The following PTPRZ1 variants were observed in gnomAD, a reference collection of about 807,000 sequenced individuals.
The protein encoded by PTPRZ1 is protein tyrosine phosphatase receptor type Z1.
A neutral mutation model predicts 214.1 loss-of-function variants in PTPRZ1; 82 were observed. The ratio of observed to expected loss-of-function variants is 0.38; its 90% CI spans 0.32 to 0.46. PTPRZ1 has a LOEUF of 0.46. PTPRZ1 is among the 20% of genes least tolerant of loss of function. PTPRZ1 has a pLI of 1.00. For synonymous variants in PTPRZ1, 945 were observed against 987.9 expected, an observed-to-expected ratio of 0.96 and a Z score of 0.81; for missense variants, 2,603 against 2,748.7, an observed-to-expected ratio of 0.95 and a Z score of 1.19.
chr7:121,972,503 T>A, intron 3 of PTPRZ1, 38 bp from the exon 4 acceptor site: 1 of 1,526,746 alleles, frequency 6.5e-7, no homozygotes, highest in Non-Finnish European at 8.8e-7. Context: ...AAATTTTGAT[T>A]TTCAGAAGCT....
chr7:121,898,974 T>G (rs1284331783), intron 1 of PTPRZ1, among the ~76,000 whole-genome samples: 1 of 152,194 alleles, frequency 6.6e-6, no homozygotes, highest in Non-Finnish European at 1.5e-5. Flanking sequence ...GTGTAAACTT[T>G]TATTTATTCA....
intron 26 of PTPRZ1, 131 bp from the exon 27 acceptor site, chr7:122,054,810 G>T (rs779815052): frequency 4.7e-4 from 412 of 872,512 alleles, no homozygotes; most frequent in Non-Finnish European, 6.3e-4. Flanking sequence ...AAGATGTTAA[G>T]AGTAAATATT....
Position 122,036,521 on chromosome 7 carries a change from ATTATTATGCAAATATGAATTATCT to A in PTPRZ1, c.5285-76_5285-53del. 3.1e-6 allele frequency: 3 copies of A among 968,154 alleles called. No individual in the cohort carries two copies. In the East Asian group the frequency reaches 7.9e-5, roughly 25 times the overall value. The allele number at this position is 968,154 out of a possible 1,614,324, so 60.0% of individuals were successfully genotyped here. On this transcript the variant is annotated intron_variant, in intron 17 of 29. Transcript: ENST00000393386. Reference sequence around the variant, plus strand: ...TGTTGATTTTAATTGAATGAAATAAATTATTATGCAAATATGAATTATCTTTGTGCTGAAAAGTAGTCTGTGCTA... The same window carrying A: ...TGTTGATTTTAATTGAATGAAATAAATTGTGCTGAAAAGTAGTCTGTGCTA...
chr7:122,018,198 T>C (rs1798903633), intron 12 of PTPRZ1, among the ~76,000 whole-genome samples: 1 of 152,172 alleles, frequency 6.6e-6, no homozygotes. Context: ...CATGCTGTAA[T>C]GTTAGAAACC....
At chr7:121,946,167 G>A (rs192950887) in intron 2 of PTPRZ1, among the ~76,000 whole-genome samples, 70 of 152,310 alleles carry the variant, frequency 4.6e-4, no homozygotes, top group African/African-American at 1.6e-3. Flanking sequence ...CTTTCAACCA[G>A]AGAAATGGGA....
At chr7:121,905,677 A>ACACACACACACACACAC (rs368191821) in intron 1 of PTPRZ1, among the ~76,000 whole-genome samples, 30 of 151,874 alleles carry the variant, frequency 2.0e-4, no homozygotes, top group Non-Finnish European at 2.6e-4. Context: ...ACACACACAC[A>ACACACACACACACACAC]AATGGTGGGC....
intron 15 of PTPRZ1, chr7:122,032,154 A>C (rs1045005860): frequency 6.6e-6 from 1 of 152,170 alleles, no homozygotes; most frequent in African/African-American, 2.4e-5. Flanking sequence ...TGGCCCACTG[A>C]ACTATCAGCT....
rs1049007589 is a variant in PTPRZ1 at position 122,013,438 on chromosome 7, C to G, written c.4392C>G (p.Asn1464Lys). Residue 1464 changes from asparagine (N) to lysine (K), a missense_variant, in exon 12 of 30, where the codon AAC becomes AAG. Asn to Lys is a moderately conservative substitution (Grantham distance 94, BLOSUM62 0). Around this residue, in one of 6 missense-constraint regions of PTPRZ1, gnomAD observed 1,913 missense variants for 1,914.3 expected, o/e 1.00. Coordinates refer to ENST00000393386, the MANE Select transcript of PTPRZ1 (RefSeq NM_002851.3). The part of the protein sequence containing the change: ...KVMNDSDTHE[N>K]SLMDQNNPIS... The stretch of plus-strand genomic sequence containing the variant: ...TGAATGATTCAGACACCCACGAAAA[C>G]AGTCTTATGGATCAGAATAATCCAA... 1.2e-6 allele frequency: 2 copies of G among 1,614,084 alleles called. No homozygotes were observed. The highest frequency in any genetic ancestry group is 2.7e-5 in the African/African-American group (2 of 74,940).
chr7:121,951,639 A>G (rs545631631), intron 2 of PTPRZ1, among the ~76,000 whole-genome samples: 47 of 152,296 alleles, frequency 3.1e-4, no homozygotes, highest in African/African-American at 1.1e-3. Context: ...TCAACCTTTC[A>G]AAGATGTGAG....
intron 2 of PTPRZ1, among the ~76,000 whole-genome samples, chr7:121,946,869 C>T (rs1796394682): frequency 6.6e-6 from 1 of 152,206 alleles, no homozygotes; most frequent in Admixed American, 6.5e-5. Flanking sequence ...ATCAGACAAA[C>T]TCAAATTGAG....
intron 1 of PTPRZ1, among the ~76,000 whole-genome samples, chr7:121,881,329 TA>T (rs1412962884): frequency 3.3e-5 from 5 of 152,228 alleles, no homozygotes; most frequent in African/African-American, 1.2e-4. Context: ...AGCCACCCAG[TA>T]AATGGTATTT....
In PTPRZ1 at chr7:121,873,556, G is replaced by C. The variant is rs762065718; in HGVS notation, c.57G>C (p.Leu19=). The change falls in exon 1 of 30, where the codon CTG becomes CTC. Residue 19 remains leucine (L), a splice_region_variant and synonymous_variant. Transcript: ENST00000393386. ...ACIQLLCVCR[L]DWANGYYRQQ... ...TTCAGCTCCTCTGTGTTTGCCGCCTGGGTGAGTGAGAAGAGCTCGGTGGGG... is the reference window on the plus strand; with the variant it reads ...TTCAGCTCCTCTGTGTTTGCCGCCTCGGTGAGTGAGAAGAGCTCGGTGGGG... 3 of 1,613,806 alleles carry C rather than the reference G, an allele frequency of 1.9e-6. No individual in the cohort carries two copies. Among genetic ancestry groups the C allele is most frequent in the Non-Finnish European group, 2.5e-6 (3 of 1,180,004 alleles).
At chr7:122,040,327 C>A (rs1799686116) in intron 20 of PTPRZ1, among the ~76,000 whole-genome samples, 1 of 152,188 alleles carries the variant, frequency 6.6e-6, no homozygotes, top group Non-Finnish European at 1.5e-5. Flanking sequence ...CTCACATGAT[C>A]ATGGGGATTA....
chr7:122,014,278 A>G (rs1798779336), intron 12 of PTPRZ1, among the ~76,000 whole-genome samples: 1 of 151,886 alleles, frequency 6.6e-6, no homozygotes, highest in African/African-American at 2.4e-5. Flanking sequence ...TTGTTCTAAA[A>G]TAAGTTGTAA....
chr7:122,050,410 G>A (rs989693771), intron 23 of PTPRZ1, among the ~76,000 whole-genome samples: 11 of 89,444 alleles, frequency 1.2e-4, no homozygotes, highest in Non-Finnish European at 2.7e-4. Flanking sequence ...GTGACAGAGT[G>A]GACACCTGTC....
intron 26 of PTPRZ1, 54 bp downstream of exon 26, chr7:122,054,092 C>T: frequency 1.9e-6 from 3 of 1,578,898 alleles, no homozygotes; most frequent in Non-Finnish European, 2.6e-6. Flanking sequence ...TATCAGGTTA[C>T]AAACAGCAAA....
chr7:122,034,412 T>C, intron 17 of PTPRZ1, 34 bp downstream of exon 17: 1 of 1,588,526 alleles, frequency 6.3e-7, no homozygotes, highest in Non-Finnish European at 8.6e-7. Flanking sequence ...CTGACTTCAA[T>C]ATCATTGCCA....
chr7:121,895,650 T>C (rs1400489153), intron 1 of PTPRZ1, among the ~76,000 whole-genome samples: 3 of 152,198 alleles, frequency 2.0e-5, no homozygotes, highest in African/African-American at 7.2e-5. Context: ...TAAAGATCTC[T>C]CATTCGTAAA....
intron 1 of PTPRZ1, among the ~76,000 whole-genome samples, chr7:121,897,713 CTA>C (rs1349021274): frequency 6.6e-6 from 1 of 152,202 alleles, no homozygotes; most frequent in African/African-American, 2.4e-5. Flanking sequence ...CTACCCAAAA[CTA>C]TGCACAGCAG....
Sources: allele counts gnomAD v4.1 joint callset (sites outside exome capture counted in the v4.1 genomes callset), GRCh38; gene constraint gnomAD v4.1.1; regional missense constraint gnomAD v4.1.1; transcripts MANE v1.5; gene names NCBI Gene and HGNC (gene_info 2026-07-23, HGNC 2026-07-21).